ABCA9: variants seen among roughly 807,000 people sequenced by gnomAD.
The protein encoded by ABCA9 is ATP-binding cassette sub-family A member 9.
Under a neutral mutation model 205.3 loss-of-function variants are expected in ABCA9, and 183 were observed. The observed-to-expected ratio is 0.89, with a 90% CI of 0.79 to 1.01. The LOEUF is 1.01. Ranked by LOEUF, ABCA9 falls within the 50% of genes least tolerant of loss-of-function variation. The pLI is 0.00. For missense variants in ABCA9, 1,805 were observed against 1,912.4 expected, an observed-to-expected ratio of 0.94 and a Z score of 1.05; for synonymous variants, 651 against 683.3, an observed-to-expected ratio of 0.95 and a Z score of 0.74.
At chr17:69,035,550 G>A in intron 7 of ABCA9, 110 bp downstream of exon 7, 18 of 1,457,756 alleles carry the variant, frequency 1.2e-5, no homozygotes, top group Non-Finnish European at 1.7e-5. Context: ...ACTGTTTCAT[G>A]CAAATACTAC....
At chr17:69,030,173 G>A (rs1429058082) in intron 10 of ABCA9, among the ~76,000 whole-genome samples, 1 of 152,166 alleles carries the variant, frequency 6.6e-6, no homozygotes, top group African/African-American at 2.4e-5. Flanking sequence ...TCGCCTGCTT[G>A]GGCTGCTATA....
At chr17:68,981,236 A>G (rs2069042641) in intron 37 of ABCA9, among the ~76,000 whole-genome samples, 1 of 152,196 alleles carries the variant, frequency 6.6e-6, no homozygotes, top group South Asian at 2.1e-4. Flanking sequence ...TGATGACTGT[A>G]GTTAATAATA....
chr17:68,980,190 A>G (rs1032021339), intron 37 of ABCA9, among the ~76,000 whole-genome samples: 2 of 152,304 alleles, frequency 1.3e-5, no homozygotes, highest in African/African-American at 2.4e-5. Flanking sequence ...AAAAATGCTC[A>G]TCATCACTGG....
At chr17:69,066,407 T>C in the ABCA9 span, among the ~76,000 whole-genome samples, 1 of 151,744 alleles carries the variant, frequency 6.6e-6, no homozygotes, top group Non-Finnish European at 1.5e-5. Flanking sequence ...AGCTTAGTTA[T>C]AAAAGAAAGG....
chr17:69,018,586 A>G lies in ABCA9; in HGVS notation c.2601-7T>C, dbSNP rs1193660031. ...AATACCAAAAAGCAATAATCTATGC[A>G]GAGGAAAATGTAAAAGAAAAAAATA... is the stretch of plus-strand genomic sequence containing the variant. On this transcript the variant is annotated splice_region_variant and splice_polypyrimidine_tract_variant and intron_variant, in intron 19 of 38. Coordinates refer to ENST00000340001, the MANE Select transcript of ABCA9 (RefSeq NM_080283.4). 1 of 1,554,126 alleles carries G rather than the reference A, an allele frequency of 6.4e-7. No homozygotes were observed. Among genetic ancestry groups the G allele is most frequent in the Non-Finnish European group, 8.6e-7 (1 of 1,158,612 alleles).
chr17:69,017,927 G>GTTC lies in ABCA9; in HGVS notation c.2768-141_2768-139dup, dbSNP rs1188946185. On this transcript the variant is annotated intron_variant, in intron 20 of 38. Coordinates refer to ENST00000340001, the MANE Select transcript of ABCA9 (RefSeq NM_080283.4). ...CTTTTCTTAAAAAAGCAGAATTGAT[G>GTTC]TTCTGGTACAACAATCCAGTCTAAC... 4 of 920,178 alleles carry GTTC rather than the reference G, an allele frequency of 4.3e-6. No individual in the cohort carries two copies. The African/African-American group carries it at 6.7e-5, about 15-fold the overall frequency. The allele number at this position is 920,178 out of a possible 1,614,324, so 57.0% of individuals were successfully genotyped here.
chr17:69,008,566 A>G (rs577706913), intron 23 of ABCA9, among the ~76,000 whole-genome samples: 9 of 152,372 alleles, frequency 5.9e-5, no homozygotes, highest in African/African-American at 1.9e-4. Flanking sequence ...CACATTGCAC[A>G]AAGGTTCAAC....
rs112995974 is a variant in ABCA9 at position 69,028,654 on chromosome 17, AT to A, written c.1505-10del. 3.3e-4 allele frequency: 484 copies of A among 1,454,132 alleles called. No homozygotes were observed. The highest frequency in any genetic ancestry group is 6.0e-4 in the South Asian group (44 of 73,738). 90.1% of individuals were successfully genotyped at this position (1,454,132 alleles called of 1,614,324 possible). A position where few individuals can be genotyped will look rare whatever the true frequency, so the allele number is the denominator to read the frequency against. On this transcript the variant is annotated splice_polypyrimidine_tract_variant and intron_variant, in intron 11 of 38. Coordinates refer to ENST00000340001, the MANE Select transcript of ABCA9 (RefSeq NM_080283.4). ...TATGTCAAACACCACACCTGGCATG[AT>A]TTTAAAAAAAATTACACTCAGAGCC... is the stretch of plus-strand genomic sequence containing the variant.
rs773949616 is a variant in ABCA9 at position 69,033,813 on chromosome 17, A to G, written c.1189T>C (p.Tyr397His). 3 of 1,608,274 alleles carry G rather than the reference A, an allele frequency of 1.9e-6. No individual in the cohort carries two copies. The highest frequency in any genetic ancestry group is 2.6e-6 in the Non-Finnish European group (3 of 1,175,178). Reference protein sequence around the residue: ...NAHLDSSQNPYLIIATLFMLV... With the variant: ...NAHLDSSQNPHLIIATLFMLV... The stretch of plus-strand genomic sequence containing the variant: ...ATGAAAAGAGTAGCTATTATGAGGT[A>G]TGGATTTTGTGAAGAATCCAAGTGG... Residue 397 changes from tyrosine (Y) to histidine (H), a missense_variant, in exon 9 of 39, where the codon TAC (tyrosine) becomes CAC (histidine). By Grantham distance (83) the Tyr-to-His change is moderately conservative. Coordinates refer to ENST00000340001, the MANE Select transcript of ABCA9 (RefSeq NM_080283.4).
rs543291325 is a variant in ABCA9, at chr17:68,984,171, C to T, written c.4384G>A (p.Val1462Met). 2 of 1,614,030 alleles carry T rather than the reference C, an allele frequency of 1.2e-6. No homozygotes were observed. Among genetic ancestry groups the T allele is most frequent in the East Asian group, 4.5e-5 (2 of 44,880 alleles). The stretch of plus-strand genomic sequence containing the variant: ...GTGTTTCTAAAGGTGGCCCGAATCA[C>T]CTGCCTAAAGTTAAGTCAAGAGAAA... ...DPEGQQQMWQ[V>M]IRATFRNTER... Residue 1462 changes from valine (V) to methionine (M), a missense_variant, in exon 35 of 39, where the codon GTG becomes ATG. Physicochemically the swap from Val to Met is conservative, Grantham distance 21. Coordinates refer to ENST00000340001, the MANE Select transcript of ABCA9 (RefSeq NM_080283.4).
intron 25 of ABCA9, among the ~76,000 whole-genome samples, chr17:69,002,468 A>C (rs1159665326): frequency 1.6e-3 from 186 of 119,070 alleles, no homozygotes; most frequent in South Asian, 4.8e-3. Context: ...GTTTGATTGC[A>C]CTGTGGTCTG....
intron 1 of ABCA9, among the ~76,000 whole-genome samples, chr17:69,056,121 C>T (rs1390412187): frequency 6.6e-6 from 1 of 151,690 alleles, no homozygotes; most frequent in Non-Finnish European, 1.5e-5. Context: ...AAAAGAAAAG[C>T]AAATTAAATC....
At chr17:69,030,857 C>A (rs749321319) in intron 10 of ABCA9, among the ~76,000 whole-genome samples, 1 of 152,100 alleles carries the variant, frequency 6.6e-6, no homozygotes, top group Admixed American at 6.5e-5. Flanking sequence ...TATAATAATA[C>A]CTTTTAATTG....
chr17:69,069,463 C>T, the ABCA9 span, among the ~76,000 whole-genome samples: 1 of 152,068 alleles, frequency 6.6e-6, no homozygotes, highest in Non-Finnish European at 1.5e-5. Flanking sequence ...AGATCTGGTA[C>T]CAAAGCAGGG....
chr17:69,029,692 G>A (rs1399257327), intron 10 of ABCA9, among the ~76,000 whole-genome samples: 1 of 152,154 alleles, frequency 6.6e-6, no homozygotes, highest in Non-Finnish European at 1.5e-5. Flanking sequence ...CAAATGCTGT[G>A]TACTCAAGAC....
chr17:68,983,433 C>G (rs1371395659), intron 36 of ABCA9, among the ~76,000 whole-genome samples: 1 of 152,060 alleles, frequency 6.6e-6, no homozygotes, highest in East Asian at 1.9e-4. Context: ...CTAGAAGGAA[C>G]CCCTGAGATG....
chr17:69,063,668 G>T (rs900834899), upstream of ABCA9, among the ~76,000 whole-genome samples: 2 of 152,092 alleles, frequency 1.3e-5, no homozygotes, highest in Admixed American at 6.5e-5. Context: ...CGCCTCCCGG[G>T]TTCATGCCAT....
chr17:69,001,710 A>G (rs1485062837), intron 25 of ABCA9, among the ~76,000 whole-genome samples: 2 of 149,054 alleles, frequency 1.3e-5, no homozygotes, highest in Non-Finnish European at 3.0e-5. Context: ...TCCTCCTTGT[A>G]CCTCTGGTAG....
intron 2 of ABCA9, among the ~76,000 whole-genome samples, chr17:69,050,781 AG>A (rs565864531): frequency 4.7e-4 from 71 of 152,210 alleles, no homozygotes; most frequent in African/African-American, 1.6e-3. Context: ...TTATTTTTCA[AG>A]GAGTTTCTGA....
Sources: gnomAD v4.1 joint callset for allele counts (sites outside exome capture counted in the v4.1 genomes callset) on GRCh38, gnomAD v4.1.1 for gene constraint, MANE v1.5 for transcripts, NCBI Gene and HGNC (gene_info 2026-07-23, HGNC 2026-07-21) for gene names.